HPCAL1: variants seen among roughly 807,000 people sequenced by gnomAD.
The protein encoded by HPCAL1 is hippocalcin-like protein 1.
Under a neutral mutation model 17.1 loss-of-function variants are expected in HPCAL1, and 8 were observed. The ratio of observed to expected loss-of-function variants is 0.47; its 90% CI spans 0.27 to 0.84. The LOEUF (loss-of-function observed/expected upper bound fraction) is 0.84, where lower values mean the gene tolerates loss of function less well. HPCAL1 is among the 40% of genes least tolerant of loss of function. HPCAL1 has a pLI of 0.13. For synonymous variants in HPCAL1, 112 were observed against 111.4 expected (o/e 1.01, Z -0.03); for missense variants, 165 against 271.1 (o/e 0.61, Z 2.75).
In HPCAL1 at chr2:10,363,120, C is replaced by G. The variant is rs924509407; in HGVS notation, c.-110-33715C>G. On this transcript the variant is annotated intron_variant, in intron 1 of 4. Coordinates refer to ENST00000307845, the MANE Select transcript of HPCAL1 (RefSeq NM_002149.4). The surrounding 1 kb of genome is among the most constrained non-coding windows in gnomAD (Gnocchi z 4.7). ...TGGCCAACAGAGCAAGACCTTGTCTCAAAAAGTAAATAAAAAATAAAACCC... is the reference window on the plus strand; with the variant it reads ...TGGCCAACAGAGCAAGACCTTGTCTGAAAAAGTAAATAAAAAATAAAACCC... Among the ~76,000 whole-genome samples, 1 of 152,104 alleles carries G rather than the reference C, an allele frequency of 6.6e-6. No individual in the cohort carries two copies. The highest frequency in any genetic ancestry group is 2.4e-5 in the African/African-American group (1 of 41,408).
At chr2:10,353,415 G>A (rs1665945154) in intron 1 of HPCAL1, among the ~76,000 whole-genome samples, 1 of 152,200 alleles carries the variant, frequency 6.6e-6, no homozygotes, top group African/African-American at 2.4e-5. Flanking sequence ...CCAAGCTCCT[G>A]TGCCAGTGCT....
Position 10,384,183 on chromosome 2 carries a change from G to T in HPCAL1, c.-110-12652G>T, listed in dbSNP as rs149720363. ...CCCCAGACCTCCTCCCTCAGGGTGG[G>T]GACAAGGTGAGGGAGGTGGCGGCCC... On this transcript the variant is annotated intron_variant, in intron 1 of 4. Transcript: ENST00000307845. The surrounding 1 kb of genome is among the most constrained non-coding windows in gnomAD (Gnocchi z 4.4). Among the ~76,000 whole-genome samples the T allele has an allele frequency of 2.5e-3, 386 of 152,196 alleles. 1 individual carries two copies. The highest frequency in any genetic ancestry group is 8.9e-3 in the African/African-American group (368 of 41,510).
In HPCAL1 at chr2:10,304,442, CA is replaced by C. The variant is rs757466011; in HGVS notation, c.-111+1266del. On this transcript the variant is annotated intron_variant, in intron 1 of 4. Coordinates refer to ENST00000307845, the MANE Select transcript of HPCAL1 (RefSeq NM_002149.4). The surrounding 1 kb of genome is among the most constrained non-coding windows in gnomAD (Gnocchi z 4.1). ...AATTCCACCAGAGGAGGATGTTTGCCAGGGACGCCGAGTCCAGCTGCTGGCC... is the reference window on the plus strand; with the variant it reads ...AATTCCACCAGAGGAGGATGTTTGCCGGGACGCCGAGTCCAGCTGCTGGCC... Among the ~76,000 whole-genome samples, 1 of 4,042 alleles carries C rather than the reference CA, an allele frequency of 2.5e-4. No individual in the cohort carries two copies. The highest frequency in any genetic ancestry group is 3.5e-4 in the Non-Finnish European group (1 of 2,856). The allele number at this position is 4,042 out of a possible 152,430, so 2.7% of individuals were successfully genotyped here.
chr2:10,381,047 C>T (rs945924596), intron 1 of HPCAL1, among the ~76,000 whole-genome samples: 2 of 152,220 alleles, frequency 1.3e-5, no homozygotes, highest in Admixed American at 6.5e-5. Flanking sequence ...TGGCCTGGGA[C>T]CTCTGGATCA....
Position 10,310,089 on chromosome 2 carries a change from C to T in HPCAL1, c.-111+6912C>T, listed in dbSNP as rs947989205. On this transcript the variant is annotated intron_variant, in intron 1 of 4. Coordinates refer to ENST00000307845, the MANE Select transcript of HPCAL1 (RefSeq NM_002149.4). The surrounding 1 kb of genome is among the most constrained non-coding windows in gnomAD (Gnocchi z 4.5). ...GTCTCTGAATCTGTTTGCTCAGGTG[C>T]AGAAAGGGGTTTTAGGCTGAGCTCA... Among the ~76,000 whole-genome samples, 4 of 152,100 alleles carry T rather than the reference C, an allele frequency of 2.6e-5. No homozygotes were observed. The highest frequency in any genetic ancestry group is 7.2e-5 in the African/African-American group (3 of 41,408).
intron 1 of HPCAL1, among the ~76,000 whole-genome samples, chr2:10,303,533 G>A (rs890750731): frequency 2.6e-5 from 4 of 152,192 alleles, no homozygotes; most frequent in African/African-American, 9.7e-5. Flanking sequence ...GGGTGGGTGT[G>A]GGTGGTCCAG....
chr2:10,424,746 TG>T, intron 4 of HPCAL1: 1 of 421,924 alleles, frequency 2.4e-6, no homozygotes, highest in East Asian at 7.2e-5. Context: ...ACCAGGAAGG[TG>T]GGGCTGCAGC....
chr2:10,352,050 G>A lies in HPCAL1; in HGVS notation c.-110-44785G>A, dbSNP rs189317312. On this transcript the variant is annotated intron_variant, in intron 1 of 4. Coordinates refer to ENST00000307845, the MANE Select transcript of HPCAL1 (RefSeq NM_002149.4). ...CCCAAGTAGCTGGGATTACAGGTGC[G>A]TACCACCACACCTGGCTAATTTTTG... 7.8e-4 allele frequency among the ~76,000 whole-genome samples: 118 copies of A among 151,820 alleles called. 3 individuals carry two copies. Among genetic ancestry groups the A allele is most frequent in the African/African-American group, 2.7e-3 (113 of 41,442 alleles).
At chr2:10,378,285 C>T (rs1667715566) in intron 1 of HPCAL1, among the ~76,000 whole-genome samples, 1 of 141,628 alleles carries the variant, frequency 7.1e-6, no homozygotes, top group African/African-American at 2.7e-5. Flanking sequence ...CGTTTGCACA[C>T]ACAGTTAATA....
intron 2 of HPCAL1, among the ~76,000 whole-genome samples, chr2:10,413,312 G>A (rs1313134218): frequency 1.3e-5 from 2 of 152,242 alleles, no homozygotes; most frequent in African/African-American, 4.8e-5. Context: ...CATTCCGAAA[G>A]TGGGTCACAC....
At chr2:10,391,355 C>T (rs577270585) in intron 1 of HPCAL1, among the ~76,000 whole-genome samples, 3 of 152,332 alleles carry the variant, frequency 2.0e-5, no homozygotes, top group Non-Finnish European at 2.9e-5. Flanking sequence ...TGTGACTCTG[C>T]TCTTTGCTCT....
At chr2:10,308,061 A>G (rs1449530408) in intron 1 of HPCAL1, among the ~76,000 whole-genome samples, 1 of 151,942 alleles carries the variant, frequency 6.6e-6, no homozygotes, top group Non-Finnish European at 1.5e-5. Context: ...ATCAAATAAG[A>G]CCAGGGAGCG....
intron 1 of HPCAL1, among the ~76,000 whole-genome samples, chr2:10,319,981 G>A (rs1458559323): frequency 2.6e-5 from 4 of 151,952 alleles, no homozygotes; most frequent in African/African-American, 9.7e-5. Flanking sequence ...TTGAGGAGAG[G>A]AGCATTTGCT....
intron 3 of HPCAL1, among the ~76,000 whole-genome samples, chr2:10,420,744 A>G (rs1032429412): frequency 2.0e-5 from 3 of 152,106 alleles, no homozygotes; most frequent in African/African-American, 7.2e-5. Context: ...ACTCAAATAG[A>G]TGAATTTCTA....
intron 1 of HPCAL1, among the ~76,000 whole-genome samples, chr2:10,374,899 C>T (rs1265789571): frequency 6.6e-6 from 1 of 152,222 alleles, no homozygotes; most frequent in Non-Finnish European, 1.5e-5. Flanking sequence ...TGTCCTTATT[C>T]ACCCAGAGAA....
intron 1 of HPCAL1, among the ~76,000 whole-genome samples, chr2:10,370,473 G>T (rs1667135117): frequency 6.6e-6 from 1 of 152,250 alleles, no homozygotes; most frequent in Non-Finnish European, 1.5e-5. Flanking sequence ...ACACTTAGTT[G>T]GATGCAGGTA....
In HPCAL1 at chr2:10,426,921, G is replaced by A. The variant is rs1019742551; in HGVS notation, c.*100G>A. The A allele has an allele frequency of 7.0e-6, 8 of 1,140,450 alleles. No homozygotes were observed. Among genetic ancestry groups the A allele is most frequent in the East Asian group, 4.9e-5 (2 of 40,892 alleles). 70.6% of individuals were successfully genotyped at this position (1,140,450 alleles called of 1,614,324 possible). ...GCCCCGCAATCGTTCCTGCTCTCCC[G>A]GGCCCCGGGCCTGGGGCATGCGTTG... On this transcript the variant is annotated 3_prime_UTR_variant, in exon 5 of 5. Coordinates refer to ENST00000307845, the MANE Select transcript of HPCAL1 (RefSeq NM_002149.4).
At chr2:10,380,890 G>A (rs1667898964) in intron 1 of HPCAL1, among the ~76,000 whole-genome samples, 1 of 152,222 alleles carries the variant, frequency 6.6e-6, no homozygotes. Context: ...CTGCATCTTA[G>A]GATGGTGACT....
chr2:10,322,803 C>G (rs749167427), intron 1 of HPCAL1, among the ~76,000 whole-genome samples: 2 of 152,246 alleles, frequency 1.3e-5, no homozygotes, highest in Non-Finnish European at 2.9e-5. Context: ...TGCACCTGAA[C>G]TTTGCTCTGT....
Sources: gnomAD v4.1 joint callset for allele counts (sites outside exome capture counted in the v4.1 genomes callset) on GRCh38, gnomAD v4.1.1 for gene constraint, Gnocchi (gnomAD v3.1) non-coding constraint, MANE v1.5 for transcripts, NCBI Gene and HGNC (gene_info 2026-07-23, HGNC 2026-07-21) for gene names.